The following IL1RAPL1 variants were observed in gnomAD, a reference collection of about 807,000 sequenced individuals.
IL1RAPL1 encodes interleukin 1 receptor accessory protein like 1.
IL1RAPL1 carries 3 observed loss-of-function variants against 48.4 expected under a neutral mutation model. That is an observed-to-expected ratio of 0.06 (90% confidence interval 0.03 to 0.16). The LOEUF is 0.16. Ranked by LOEUF, IL1RAPL1 falls within the 10% of genes least tolerant of loss-of-function variation. The pLI is 1.00. For synonymous variants in IL1RAPL1, 185 were observed against 187.7 expected, an observed-to-expected ratio of 0.99 and a Z score of 0.12; for missense variants, 349 against 530.6, an observed-to-expected ratio of 0.66 and a Z score of 3.36.
chrX:29,028,288 G>GTTTT (rs1926533723), intron 2 of IL1RAPL1, among the ~76,000 whole-genome samples: 1 of 89,807 alleles, frequency 1.1e-5, no homozygotes, highest in Non-Finnish European at 2.2e-5. Context: ...TGTTTTTTTT[G>GTTTT]TTTGTTTTTT....
intron 1 of IL1RAPL1, among the ~76,000 whole-genome samples, chrX:28,733,931 G>T (rs1034795273): frequency 9.0e-6 from 1 of 111,446 alleles, no homozygotes. Context: ...CTCAGAACTG[G>T]TTCCACAAAC....
intron 2 of IL1RAPL1, among the ~76,000 whole-genome samples, chrX:29,112,460 G>T: frequency 1.0e-5 from 1 of 97,604 alleles, no homozygotes; most frequent in Middle Eastern, 5.3e-3. Context: ...TGGTGTGAGT[G>T]ATTTGATTTC....
At chrX:29,722,088 A>C (rs1026984539) in intron 6 of IL1RAPL1, among the ~76,000 whole-genome samples, 1 of 111,583 alleles carries the variant, frequency 9.0e-6, no homozygotes, top group Admixed American at 9.5e-5. Context: ...TATTTAAGGT[A>C]TGCAACATGG....
chrX:29,054,787 T>A (rs1927175912), intron 2 of IL1RAPL1, among the ~76,000 whole-genome samples: 1 of 112,026 alleles, frequency 8.9e-6, no homozygotes, highest in Admixed American at 9.5e-5. Context: ...ACACGTGACA[T>A]ACTATTTTAT....
At chrX:28,977,138 A>G (rs1925225193) in intron 2 of IL1RAPL1, among the ~76,000 whole-genome samples, 1 of 112,548 alleles carries the variant, frequency 8.9e-6, no homozygotes, top group South Asian at 3.7e-4. Flanking sequence ...GTCAAAGGTG[A>G]AACTGAGGAA....
At chrX:29,803,601 A>G (rs1160399038) in intron 6 of IL1RAPL1, among the ~76,000 whole-genome samples, 5 of 102,846 alleles carry the variant, frequency 4.9e-5, no homozygotes, top group Admixed American at 1.1e-4. Flanking sequence ...ATGTGTGTGT[A>G]TATATACACG....
intron 2 of IL1RAPL1, among the ~76,000 whole-genome samples, chrX:28,822,234 T>G (rs1936944439): frequency 9.0e-6 from 1 of 111,462 alleles, no homozygotes; most frequent in African/African-American, 3.3e-5. Context: ...TGTGTACACA[T>G]TGATAATGAC....
rs775119344 is a variant in IL1RAPL1, at chrX:29,664,258, GC to G, written c.704-4170del. On this transcript the variant is annotated intron_variant, in intron 5 of 10. Coordinates refer to ENST00000378993, the MANE Select transcript of IL1RAPL1 (RefSeq NM_014271.4). Reference sequence around the variant, plus strand: ...TCTCTACTAAAAATACAAAAAATTAGCCAGGCATGGTGGCGGGTACCTGTAT... The same window carrying G: ...TCTCTACTAAAAATACAAAAAATTAGCAGGCATGGTGGCGGGTACCTGTAT... 7.6e-3 allele frequency among the ~76,000 whole-genome samples: 840 copies of G among 110,937 alleles called. 10 individuals carry two copies. Among genetic ancestry groups the G allele is most frequent in the African/African-American group, 0.026 (797 of 30,453 alleles).
chrX:28,876,326 T>A (rs1922370944), intron 2 of IL1RAPL1, among the ~76,000 whole-genome samples: 1 of 112,023 alleles, frequency 8.9e-6, no homozygotes, highest in Non-Finnish European at 1.9e-5. Context: ...AGAAGTGATG[T>A]ACAGCATTTC....
chrX:29,055,220 T>G (rs2147428150), intron 2 of IL1RAPL1, among the ~76,000 whole-genome samples: 1 of 111,491 alleles, frequency 9.0e-6, no homozygotes, highest in African/African-American at 3.3e-5. Context: ...CTTTTCCTAC[T>G]GAATGTTCCC....
intron 5 of IL1RAPL1, among the ~76,000 whole-genome samples, chrX:29,656,785 CT>C (rs1925696939): frequency 9.0e-6 from 1 of 111,307 alleles, no homozygotes; most frequent in African/African-American, 3.3e-5. Flanking sequence ...TCCGGAATGG[CT>C]TTGCTATTCT....
chrX:29,845,888 G>A (rs1053437467), intron 6 of IL1RAPL1, among the ~76,000 whole-genome samples: 5 of 110,420 alleles, frequency 4.5e-5, no homozygotes, highest in African/African-American at 1.7e-4. Flanking sequence ...AAGAGAGCAA[G>A]GGGGGAGGTG....
chrX:29,036,243 G>A, intron 2 of IL1RAPL1, among the ~76,000 whole-genome samples: 1 of 112,145 alleles, frequency 8.9e-6, no homozygotes, highest in East Asian at 2.8e-4. Flanking sequence ...TTTTTACAGT[G>A]TTCACAAATA....
intron 2 of IL1RAPL1, among the ~76,000 whole-genome samples, chrX:29,171,769 A>G (rs970467471): frequency 1.6e-4 from 18 of 111,907 alleles, no homozygotes; most frequent in African/African-American, 5.2e-4. Context: ...TGAGAGCAAA[A>G]CTAAATATCA....
intron 3 of IL1RAPL1, among the ~76,000 whole-genome samples, chrX:29,313,272 TGTGTGTGTGTGTGTGCGC>T (rs1030240612): frequency 4.9e-5 from 4 of 82,244 alleles, no homozygotes; most frequent in Non-Finnish European, 8.9e-5. Flanking sequence ...TGTGTGTGTG[TGTGTGTGTGTGTGTGCGC>T]GCGCACATGC....
intron 1 of IL1RAPL1, among the ~76,000 whole-genome samples, chrX:28,757,056 C>T (rs1936113926): frequency 8.9e-6 from 1 of 112,346 alleles, no homozygotes; most frequent in Non-Finnish European, 1.9e-5. Flanking sequence ...AAATCTTGGC[C>T]TTTACTAATG....
intron 2 of IL1RAPL1, among the ~76,000 whole-genome samples, chrX:28,800,891 ATTTATTTT>A (rs1370829423): frequency 2.3e-4 from 24 of 102,539 alleles, no homozygotes; most frequent in African/African-American, 9.1e-4. Flanking sequence ...TTATTTATTT[ATTTATTTT>A]GAGACAGAGT....
intron 5 of IL1RAPL1, among the ~76,000 whole-genome samples, chrX:29,539,613 G>T (rs978829862): frequency 9.0e-6 from 1 of 110,649 alleles, no homozygotes; most frequent in Admixed American, 9.6e-5. Flanking sequence ...GTTTAGCACC[G>T]TCCCCCCTTA....
At chrX:29,019,241 C>G (rs772774159) in intron 2 of IL1RAPL1, among the ~76,000 whole-genome samples, 3 of 111,409 alleles carry the variant, frequency 2.7e-5, no homozygotes, top group South Asian at 7.7e-4. Flanking sequence ...GGGGACATAG[C>G]CAATCCACAT....
Sources: gnomAD v4.1 joint callset for allele counts (sites outside exome capture counted in the v4.1 genomes callset) on GRCh38, gnomAD v4.1.1 for gene constraint, MANE v1.5 for transcripts, NCBI Gene and HGNC (gene_info 2026-07-23, HGNC 2026-07-21) for gene names.